The following ULK4 variants were observed in gnomAD, a reference collection of about 807,000 sequenced individuals.
ULK4 encodes unc-51 like kinase 4, also known as inactive serine/threonine-protein kinase ULK4.
In ULK4, 133 loss-of-function variants were observed where a neutral mutation model predicts 160.6. The ratio of observed to expected loss-of-function variants is 0.83; its 90% CI spans 0.72 to 0.96. The LOEUF is 0.96. ULK4 is among the 40% of genes least tolerant of loss of function. The pLI, the probability that ULK4 is intolerant of heterozygous loss-of-function variation, is 0.00. For missense variants in ULK4, 1,580 were observed against 1,499.5 expected (o/e 1.05, Z -0.89); for synonymous variants, 534 against 539.8 (o/e 0.99, Z 0.15).
chr3:41,338,758 TATATATATGAC>T (rs1202462160), intron 35 of ULK4, among the ~76,000 whole-genome samples: 1 of 149,898 alleles, frequency 6.7e-6, no homozygotes, highest in African/African-American at 2.5e-5. Flanking sequence ...CTATATCACA[TATATATATGAC>T]ATATATATAT....
At chr3:41,912,937 T>C in intron 8 of ULK4, 38 bp from the exon 9 acceptor site, 1 of 1,596,240 alleles carries the variant, frequency 6.3e-7, no homozygotes, top group Non-Finnish European at 8.6e-7. Flanking sequence ...TACTTTAACA[T>C]GATTTACCAT....
chr3:41,365,618 G>GT (rs1232222880), intron 35 of ULK4, among the ~76,000 whole-genome samples: 2 of 152,098 alleles, frequency 1.3e-5, no homozygotes, highest in African/African-American at 4.8e-5. Context: ...ATTATGTCTA[G>GT]TTTTTTATGA....
At chr3:41,919,114 T>A (rs1716978) in intron 6 of ULK4, among the ~76,000 whole-genome samples, 140,176 of 152,016 alleles carry the variant, frequency 0.92, 65,623 homozygotes, top group East Asian at 1. Flanking sequence ...GCCATTCAAA[T>A]CATCTGAATA....
At chr3:41,358,612 T>C (rs1034758834) in intron 35 of ULK4, among the ~76,000 whole-genome samples, 4 of 152,038 alleles carry the variant, frequency 2.6e-5, no homozygotes, top group Admixed American at 6.6e-5. Context: ...TAAAAAGGCC[T>C]AGGGGTACAA....
At chr3:41,403,588 T>C (rs1007066607) in intron 34 of ULK4, among the ~76,000 whole-genome samples, 3 of 152,088 alleles carry the variant, frequency 2.0e-5, no homozygotes, top group South Asian at 2.1e-4. Context: ...TTCAAATTCA[T>C]TGATTTCTGG....
At chr3:41,569,493 T>A (rs2087897712) in intron 31 of ULK4, among the ~76,000 whole-genome samples, 2 of 152,074 alleles carry the variant, frequency 1.3e-5, no homozygotes, top group Admixed American at 6.5e-5. Flanking sequence ...ATCATACCAG[T>A]GGACCTTAAA....
At chr3:41,528,864 A>C (rs926768177) in intron 32 of ULK4, among the ~76,000 whole-genome samples, 1 of 152,000 alleles carries the variant, frequency 6.6e-6, no homozygotes, top group Non-Finnish European at 1.5e-5. Flanking sequence ...ATATCCTTAC[A>C]TAACTATTAA....
intron 32 of ULK4, among the ~76,000 whole-genome samples, chr3:41,494,139 T>C (rs1290707426): frequency 2.2e-3 from 258 of 116,548 alleles, no homozygotes; most frequent in Middle Eastern, 3.9e-3. Flanking sequence ...AAGAGAATTT[T>C]AGACCAATAT....
At chr3:41,734,061 A>C (rs2037932007) in intron 22 of ULK4, among the ~76,000 whole-genome samples, 1 of 152,026 alleles carries the variant, frequency 6.6e-6, no homozygotes, top group Non-Finnish European at 1.5e-5. Flanking sequence ...AAATTGTTCC[A>C]GCTTTTGTGT....
intron 35 of ULK4, among the ~76,000 whole-genome samples, chr3:41,396,178 G>T (rs180961464): frequency 6.6e-6 from 1 of 152,158 alleles, no homozygotes; most frequent in East Asian, 1.9e-4. Flanking sequence ...AGGAGCCCAT[G>T]TTTGGTCTTT....
chr3:41,759,793 A>G (rs2125904993), intron 21 of ULK4, among the ~76,000 whole-genome samples: 1 of 152,330 alleles, frequency 6.6e-6, no homozygotes, highest in African/African-American at 2.4e-5. Context: ...GAAACAAACT[A>G]GAGTTTAGAA....
At chr3:41,419,781 G>C (rs912354479) in intron 34 of ULK4, among the ~76,000 whole-genome samples, 3 of 152,040 alleles carry the variant, frequency 2.0e-5, no homozygotes, top group Non-Finnish European at 2.9e-5. Flanking sequence ...ACTGAGGAAG[G>C]GCATAAGAAG....
At chr3:41,897,095 CTAAGA>C in intron 14 of ULK4, 92 bp from the exon 15 acceptor site, 2 of 1,170,476 alleles carry the variant, frequency 1.7e-6, no homozygotes, top group Non-Finnish European at 2.4e-6. Context: ...ATTACGACAG[CTAAGA>C]TGAGGACAAA....
chr3:41,495,684 C>G lies in ULK4; in HGVS notation c.3227-32431G>C, dbSNP rs899109296. ...AAATTTTTGCAACCTACTCATCTGACAAAGGGCTAATATCCAGAATCTACA... is the reference window on the plus strand; with the variant it reads ...AAATTTTTGCAACCTACTCATCTGAGAAAGGGCTAATATCCAGAATCTACA... On this transcript the variant is annotated intron_variant, in intron 32 of 36. Transcript: ENST00000301831. Among the ~76,000 whole-genome samples, 10 of 151,442 alleles carry G rather than the reference C, an allele frequency of 6.6e-5. No individual in the cohort carries two copies. The South Asian group carries it at 1.5e-3, about 22-fold the overall frequency.
At chr3:41,756,474 T>C (rs1041667257) in intron 21 of ULK4, among the ~76,000 whole-genome samples, 5 of 152,154 alleles carry the variant, frequency 3.3e-5, no homozygotes, top group African/African-American at 1.2e-4. Context: ...CCCAAAATCA[T>C]GTATCATACC....
At chr3:41,833,796 A>T (rs960791893) in intron 18 of ULK4, among the ~76,000 whole-genome samples, 5 of 152,078 alleles carry the variant, frequency 3.3e-5, no homozygotes, top group Non-Finnish European at 7.4e-5. Flanking sequence ...GAATCATGTC[A>T]TCTGCAAACA....
intron 35 of ULK4, among the ~76,000 whole-genome samples, chr3:41,276,490 C>T (rs2079230260): frequency 6.6e-6 from 1 of 152,174 alleles, no homozygotes; most frequent in African/African-American, 2.4e-5. Context: ...AGGATAAAAA[C>T]ATGTGATAGA....
intron 18 of ULK4, among the ~76,000 whole-genome samples, chr3:41,819,844 C>T (rs536168089): frequency 2.4e-4 from 36 of 152,038 alleles, no homozygotes; most frequent in Non-Finnish European, 5.0e-4. Flanking sequence ...AATACAGATA[C>T]AACTATCTGA....
intron 21 of ULK4, among the ~76,000 whole-genome samples, chr3:41,785,275 C>T (rs368883340): frequency 6.6e-6 from 1 of 152,126 alleles, no homozygotes; most frequent in Admixed American, 6.5e-5. Flanking sequence ...CCCTGAGGAA[C>T]ATTTAATGAC....
Sources: gnomAD v4.1 joint callset for allele counts (sites outside exome capture counted in the v4.1 genomes callset) on GRCh38, gnomAD v4.1.1 for gene constraint, MANE v1.5 for transcripts, NCBI Gene and HGNC (gene_info 2026-07-23, HGNC 2026-07-21) for gene names.